Variants in CAPZA2 observed in about 807,000 individuals in gnomAD.
The protein encoded by CAPZA2 is capping actin protein of muscle Z-line subunit alpha 2, also known as F-actin-capping protein subunit alpha-2.
A neutral mutation model predicts 44.0 loss-of-function variants in CAPZA2; 13 were observed. The ratio of observed to expected loss-of-function variants is 0.30; its 90% CI spans 0.19 to 0.47. The LOEUF is 0.47. Among genes scored for constraint, CAPZA2 ranks in the 20% least tolerant of loss-of-function variants. The pLI, the probability that CAPZA2 is intolerant of heterozygous loss-of-function variation, is 1.00. For missense variants in CAPZA2, 244 were observed against 338.6 expected, an observed-to-expected ratio of 0.72 and a Z score of 2.19; for synonymous variants, 94 against 108.2, an observed-to-expected ratio of 0.87 and a Z score of 0.81.
chr7:116,899,737 T>G (rs1181263016), intron 4 of CAPZA2, among the ~76,000 whole-genome samples: 1 of 151,440 alleles, frequency 6.6e-6, no homozygotes, highest in African/African-American at 2.4e-5. Flanking sequence ...TATTAACAAT[T>G]TTTTTGGGAT....
chr7:116,912,025 G>C, intron 7 of CAPZA2, 44 bp from the exon 8 acceptor site: 1 of 1,606,648 alleles, frequency 6.2e-7, no homozygotes, highest in South Asian at 1.1e-5. Context: ...TAAGGTTCTT[G>C]ATGATTCCTG....
At chr7:116,904,695 A>G (rs1791463092) in intron 5 of CAPZA2, 1 of 205,154 alleles carries the variant, frequency 4.9e-6, no homozygotes, top group East Asian at 1.1e-4. Context: ...AGTTTAGATC[A>G]AAGTTATTTT....
intron 2 of CAPZA2, 145 bp from the exon 3 acceptor site, chr7:116,892,849 G>C: frequency 2.5e-6 from 1 of 392,952 alleles, no homozygotes. Flanking sequence ...TATGTTGTGT[G>C]TTTGGTTATT....
At chr7:116,898,670 C>A in intron 3 of CAPZA2, 102 bp from the exon 4 acceptor site, 1 of 631,660 alleles carries the variant, frequency 1.6e-6, no homozygotes, top group South Asian at 2.1e-5. Flanking sequence ...TTGCAGTGTG[C>A]AATGTAGGAG....
At position 116,917,929 on chromosome 7, in the gene CAPZA2, A is replaced by T; in HGVS notation, c.*62A>T. The T allele has an allele frequency of 7.1e-7, 1 of 1,409,944 alleles. No individual in the cohort carries two copies. The highest frequency in any genetic ancestry group is 1.0e-6 in the Non-Finnish European group (1 of 999,420). 87.3% of individuals were successfully genotyped at this position (1,409,944 alleles called of 1,614,324 possible). A position where few individuals can be genotyped will look rare whatever the true frequency, so the allele number is the denominator to read the frequency against. The stretch of plus-strand genomic sequence containing the variant: ...TGCGTTAAAAAATCATTGCAAAAGT[A>T]TTCTGAACTGTCAAGCTGCCCAGTC... On this transcript the variant is annotated 3_prime_UTR_variant, in exon 10 of 10. Transcript: ENST00000361183.
chr7:116,903,681 G>C (rs759694263), intron 4 of CAPZA2, among the ~76,000 whole-genome samples: 2 of 152,182 alleles, frequency 1.3e-5, no homozygotes, highest in Non-Finnish European at 2.9e-5. Context: ...TGTCAATGTA[G>C]TTTTTAAGAA....
At position 116,904,303 on chromosome 7, in the gene CAPZA2, G is replaced by A; in HGVS notation, c.346G>A (p.Ala116Thr). Residue 116 changes from alanine (A) to threonine (T), a missense_variant, in exon 5 of 10, where the codon GCA becomes ACA. Transcript: ENST00000361183. Reference sequence around the variant, plus strand: ...TCCAAGACCCTGTGAAGTAGAAAATGCAGTTGAATCATGGAGAACTTCAGT... The same window carrying A: ...TCCAAGACCCTGTGAAGTAGAAAATACAGTTGAATCATGGAGAACTTCAGT... ...TDPRPCEVEN[A>T]VESWRTSVET... The A allele has an allele frequency of 6.2e-7, 1 of 1,613,446 alleles. No individual in the cohort carries two copies. The highest frequency in any genetic ancestry group is 8.5e-7 in the Non-Finnish European group (1 of 1,179,392).
At chr7:116,903,125 G>A (rs1031178862) in intron 4 of CAPZA2, among the ~76,000 whole-genome samples, 1 of 152,114 alleles carries the variant, frequency 6.6e-6, no homozygotes, top group South Asian at 2.1e-4. Context: ...TTATAATCAC[G>A]TCATGGGACA....
intron 6 of CAPZA2, 132 bp downstream of exon 6, chr7:116,906,474 C>A: frequency 7.2e-7 from 1 of 1,396,338 alleles, no homozygotes. Flanking sequence ...AAAATTTTAG[C>A]CTTTTGATAT....
At chr7:116,915,109 C>G (rs972983790) in intron 8 of CAPZA2, among the ~76,000 whole-genome samples, 3 of 152,122 alleles carry the variant, frequency 2.0e-5, no homozygotes, top group South Asian at 4.2e-4. Flanking sequence ...GAAACCTCGT[C>G]TCTACTAAAA....
At chr7:116,904,523 C>G in intron 5 of CAPZA2, 140 bp downstream of exon 5, 1 of 601,872 alleles carries the variant, frequency 1.7e-6, no homozygotes, top group Non-Finnish European at 2.9e-6. Context: ...AGAATGTTTA[C>G]TATTTTTTCA....
intron 2 of CAPZA2, chr7:116,888,810 A>G (rs1417513399): frequency 1.3e-5 from 2 of 152,146 alleles, no homozygotes; most frequent in African/African-American, 2.4e-5. Context: ...AGCCTGGGCA[A>G]CAGAGTGAGA....
intron 4 of CAPZA2, among the ~76,000 whole-genome samples, chr7:116,902,411 T>C (rs569832200): frequency 1.3e-5 from 2 of 152,232 alleles, no homozygotes; most frequent in South Asian, 2.1e-4. Flanking sequence ...TATTTTATTA[T>C]ATTTGCTCAC....
chr7:116,863,943 T>A (rs193221053), intron 1 of CAPZA2, among the ~76,000 whole-genome samples: 1 of 152,274 alleles, frequency 6.6e-6, no homozygotes, highest in Non-Finnish European at 1.5e-5. Context: ...TCATCTTTAT[T>A]TTCGGAAATC....
In CAPZA2 at chr7:116,883,893, T is replaced by G. The variant is rs1457602812; in HGVS notation, c.40-4234T>G. 2.0e-5 allele frequency among the ~76,000 whole-genome samples: 3 copies of G among 152,334 alleles called. 1 individual carries two copies. Among genetic ancestry groups the G allele is most frequent in the Middle Eastern group, 6.8e-3 (2 of 294 alleles). On this transcript the variant is annotated intron_variant, in intron 1 of 9. Coordinates refer to ENST00000361183, the MANE Select transcript of CAPZA2 (RefSeq NM_006136.3). ...CTATCAGGAATTTAATTTAGCCAGTTTTATAGGTAGTGTTTGTATAAGTCA... is the reference window on the plus strand; with the variant it reads ...CTATCAGGAATTTAATTTAGCCAGTGTTATAGGTAGTGTTTGTATAAGTCA...
intron 1 of CAPZA2, among the ~76,000 whole-genome samples, chr7:116,869,880 G>GTT (rs11388251): frequency 2.0e-5 from 3 of 151,906 alleles, no homozygotes; most frequent in African/African-American, 7.3e-5. Context: ...GTTTTGTTTT[G>GTT]TTTTTTTGAG....
At chr7:116,886,554 A>T (rs1796764266) in intron 1 of CAPZA2, among the ~76,000 whole-genome samples, 2 of 152,250 alleles carry the variant, frequency 1.3e-5, no homozygotes, top group African/African-American at 4.8e-5. Context: ...AAGCAATGAT[A>T]GTGCTATCAA....
Position 116,912,831 on chromosome 7 carries a change from A to G in CAPZA2, c.657+691A>G, listed in dbSNP as rs182952625. 9.9e-5 allele frequency among the ~76,000 whole-genome samples: 15 copies of G among 152,274 alleles called. No homozygotes were observed. In the East Asian group the frequency reaches 2.1e-3, roughly 22 times the overall value. ...TTTTTGGTATATACATAGGAGTGGA[A>G]TTGCTGGGTCATTTGGTAACTATGT... On this transcript the variant is annotated intron_variant, in intron 8 of 9. Transcript: ENST00000361183.
intron 4 of CAPZA2, among the ~76,000 whole-genome samples, chr7:116,903,529 A>G (rs578100914): frequency 6.6e-6 from 1 of 152,218 alleles, no homozygotes; most frequent in South Asian, 2.1e-4. Flanking sequence ...AAAGACTGGA[A>G]GAATTACAAG....
Sources: allele counts gnomAD v4.1 joint callset (sites outside exome capture counted in the v4.1 genomes callset), GRCh38; gene constraint gnomAD v4.1.1; transcripts MANE v1.5; gene names NCBI Gene and HGNC (gene_info 2026-07-23, HGNC 2026-07-21).